Variants in TBC1D1 observed in about 807,000 individuals in gnomAD.
TBC1D1 encodes TBC1 (tre-2/USP6, BUB2, cdc16) domain family, member 1.
Under a neutral mutation model 125.6 loss-of-function variants are expected in TBC1D1, and 89 were observed. That is an observed-to-expected ratio of 0.71 (90% CI 0.60 to 0.85). TBC1D1 has a LOEUF of 0.85. Among genes scored for constraint, TBC1D1 ranks in the 40% least tolerant of loss-of-function variants. The pLI, the probability that TBC1D1 is intolerant of heterozygous loss-of-function variation, is 0.00. For missense variants in TBC1D1, 1,377 were observed against 1,469.2 expected, an observed-to-expected ratio of 0.94 and a Z score of 1.03; for synonymous variants, 565 against 564.1, an observed-to-expected ratio of 1.00 and a Z score of -0.02.
At chr4:37,922,699 T>A (rs570573170) in intron 2 of TBC1D1, among the ~76,000 whole-genome samples, 1 of 152,340 alleles carries the variant, frequency 6.6e-6, no homozygotes, top group East Asian at 1.9e-4. Flanking sequence ...CTCCTTTTTG[T>A]CCAATCGGCA....
intron 11 of TBC1D1, among the ~76,000 whole-genome samples, chr4:38,051,680 C>G (rs557282217): frequency 1.6e-4 from 25 of 152,140 alleles, no homozygotes; most frequent in African/African-American, 6.0e-4. Flanking sequence ...GGGAAATGGT[C>G]AAGAACGGCC....
intron 10 of TBC1D1, among the ~76,000 whole-genome samples, chr4:38,047,489 C>A (rs1749717054): frequency 6.6e-6 from 1 of 152,138 alleles, no homozygotes; most frequent in South Asian, 2.1e-4. Flanking sequence ...ATAGTGTCGT[C>A]CAGCCTCCAT....
At chr4:37,996,285 T>A (rs1311844012) in intron 2 of TBC1D1, 2 of 222,452 alleles carry the variant, frequency 9.0e-6, no homozygotes, top group Admixed American at 4.8e-5. Context: ...GTTATAAATA[T>A]ATATTGAAGT....
At chr4:37,896,361 T>TA (rs980380413) in intron 1 of TBC1D1, among the ~76,000 whole-genome samples, 3 of 152,180 alleles carry the variant, frequency 2.0e-5, no homozygotes, top group African/African-American at 7.2e-5. Context: ...GGGTTCCCAA[T>TA]AAGCAGCTTA....
chr4:38,052,764 A>ACACACACACAC (rs759843270), intron 11 of TBC1D1, among the ~76,000 whole-genome samples: 1 of 87,626 alleles, frequency 1.1e-5, no homozygotes, highest in Non-Finnish European at 2.5e-5. Flanking sequence ...ACACACACAC[A>ACACACACACAC]GGATAACATC....
chr4:38,074,898 T>C (rs1213788648), intron 12 of TBC1D1, among the ~76,000 whole-genome samples: 1 of 152,042 alleles, frequency 6.6e-6, no homozygotes, highest in African/African-American at 2.4e-5. Context: ...GTAGCTGGGA[T>C]TGCAGGCACG....
At chr4:37,931,970 G>T (rs1341177661) in intron 2 of TBC1D1, among the ~76,000 whole-genome samples, 1 of 151,924 alleles carries the variant, frequency 6.6e-6, no homozygotes, top group Non-Finnish European at 1.5e-5. Context: ...CTTCTATTCT[G>T]TATCTGTTTC....
At chr4:37,960,480 A>AC in intron 2 of TBC1D1, 1 of 1,613,994 alleles carries the variant, frequency 6.2e-7, no homozygotes, top group Non-Finnish European at 8.5e-7. Flanking sequence ...AGAACCAGGC[A>AC]CCCGTGTGGC....
intron 2 of TBC1D1, among the ~76,000 whole-genome samples, chr4:38,006,424 C>A (rs1247505995): frequency 6.6e-6 from 1 of 150,560 alleles, no homozygotes; most frequent in East Asian, 2.0e-4. Flanking sequence ...GATGCATTTT[C>A]TTCTCTCTGC....
intron 13 of TBC1D1, among the ~76,000 whole-genome samples, chr4:38,094,737 C>CT (rs138162249): frequency 0.024 from 3,703 of 152,266 alleles, 115 homozygotes; most frequent in African/African-American, 0.068. Flanking sequence ...AGCAGCCTTA[C>CT]TGCCAGAGGA....
intron 1 of TBC1D1, among the ~76,000 whole-genome samples, chr4:37,898,210 C>A (rs191913681): frequency 2.0e-5 from 3 of 152,278 alleles, no homozygotes; most frequent in Admixed American, 2.0e-4. Context: ...AAGAAGCTTA[C>A]GGTCTTCTTG....
intron 2 of TBC1D1, among the ~76,000 whole-genome samples, chr4:37,932,148 C>T (rs1161204226): frequency 6.6e-6 from 1 of 152,186 alleles, no homozygotes; most frequent in Non-Finnish European, 1.5e-5. Flanking sequence ...TGAAACCTAA[C>T]TCCCAGTCAT....
chr4:37,925,326 C>A (rs2152279603), intron 2 of TBC1D1, among the ~76,000 whole-genome samples: 1 of 152,312 alleles, frequency 6.6e-6, no homozygotes, highest in African/African-American at 2.4e-5. Flanking sequence ...ACCAATTTTA[C>A]CAGCCTCTTT....
chr4:37,974,755 C>T (rs183736615), intron 2 of TBC1D1, among the ~76,000 whole-genome samples: 6 of 152,148 alleles, frequency 3.9e-5, no homozygotes, highest in Admixed American at 3.9e-4. Flanking sequence ...GACGAGGTTT[C>T]GCCATGGTGG....
At chr4:38,022,746 A>C (rs942478619) in intron 6 of TBC1D1, among the ~76,000 whole-genome samples, 1 of 152,076 alleles carries the variant, frequency 6.6e-6, no homozygotes, top group Non-Finnish European at 1.5e-5. Flanking sequence ...AGTGAAAGGG[A>C]GTGGTGATAT....
intron 2 of TBC1D1, among the ~76,000 whole-genome samples, chr4:37,989,848 C>T (rs1199996680): frequency 6.6e-6 from 1 of 152,140 alleles, no homozygotes; most frequent in East Asian, 1.9e-4. Context: ...TTGACAGTTT[C>T]TGGTTTTTTT....
intron 1 of TBC1D1, among the ~76,000 whole-genome samples, chr4:37,896,454 T>C (rs1251125961): frequency 6.6e-6 from 1 of 152,176 alleles, no homozygotes; most frequent in Non-Finnish European, 1.5e-5. Context: ...TTTTTGTTCT[T>C]TAAGGGAAGA....
chr4:38,040,728 G>T (rs1748199527), intron 8 of TBC1D1, among the ~76,000 whole-genome samples: 1 of 152,188 alleles, frequency 6.6e-6, no homozygotes, highest in African/African-American at 2.4e-5. Flanking sequence ...CCCTTTGTGG[G>T]CAATTCCCTT....
rs577916588 is a variant in TBC1D1, at chr4:37,898,668, A to ACTGT, written c.-93-3331_-93-3328dup. 6.1e-3 allele frequency among the ~76,000 whole-genome samples: 927 copies of ACTGT among 152,226 alleles called. 2 individuals are homozygous for ACTGT. The highest frequency in any genetic ancestry group is 0.036 in the South Asian group (173 of 4,822). On this transcript the variant is annotated intron_variant, in intron 1 of 19. Coordinates refer to ENST00000261439, the MANE Select transcript of TBC1D1 (RefSeq NM_015173.4). ...GGTCAGGGAACCAAGAGAAATGCTG[A>ACTGT]CTGTCTGGCTACTGTGACTGCCCTG...
Sources: allele counts gnomAD v4.1 joint callset (sites outside exome capture counted in the v4.1 genomes callset), GRCh38; gene constraint gnomAD v4.1.1; transcripts MANE v1.5; gene names NCBI Gene and HGNC (gene_info 2026-07-23, HGNC 2026-07-21).